The following NXPH1 variants were observed in gnomAD, a reference collection of about 807,000 sequenced individuals.
NXPH1 encodes the protein neurexophilin-1.
Under a neutral mutation model 23.7 loss-of-function variants are expected in NXPH1, and 5 were observed. The ratio of observed to expected loss-of-function variants is 0.21; its 90% CI spans 0.11 to 0.44. The LOEUF is 0.44. NXPH1 is among the 20% of genes least tolerant of loss of function. NXPH1 has a pLI of 0.99. For missense variants in NXPH1, 324 were observed against 321.6 expected (o/e 1.01, Z -0.06); for synonymous variants, 144 against 122.2 (o/e 1.18, Z -1.18).
intron 2 of NXPH1, among the ~76,000 whole-genome samples, chr7:8,574,345 C>T (rs1344148739): frequency 1.3e-5 from 2 of 152,082 alleles, no homozygotes; most frequent in South Asian, 4.1e-4. Context: ...AGCTCCTGGG[C>T]TCCAGCGATC....
chr7:8,458,349 T>G (rs10952111), intron 2 of NXPH1, among the ~76,000 whole-genome samples: 58,009 of 152,054 alleles, frequency 0.38, 11,495 homozygotes, highest in East Asian at 0.63. Context: ...GTGGTTGATA[T>G]ATACTGGACC....
At chr7:8,535,888 C>T (rs1373986286) in intron 2 of NXPH1, among the ~76,000 whole-genome samples, 1 of 151,928 alleles carries the variant, frequency 6.6e-6, no homozygotes, top group Admixed American at 6.6e-5. Context: ...TTTTGTTCAC[C>T]TGCTGTTTCC....
At chr7:8,645,383 G>A (rs1820381100) in intron 2 of NXPH1, among the ~76,000 whole-genome samples, 1 of 151,930 alleles carries the variant, frequency 6.6e-6, no homozygotes. Context: ...ATTTCATTGG[G>A]CTTTTCATTT....
chr7:8,743,005 G>T (rs780374271), intron 2 of NXPH1, among the ~76,000 whole-genome samples: 1 of 152,014 alleles, frequency 6.6e-6, no homozygotes, highest in Non-Finnish European at 1.5e-5. Flanking sequence ...AATGCCATAT[G>T]TAAAGTGCTA....
At chr7:8,555,195 C>A (rs1159635885) in intron 2 of NXPH1, among the ~76,000 whole-genome samples, 1 of 151,698 alleles carries the variant, frequency 6.6e-6, no homozygotes, top group Non-Finnish European at 1.5e-5. Flanking sequence ...AAAACTAACA[C>A]GCAACTGATA....
In NXPH1 at chr7:8,479,225, CA is replaced by C. The variant is rs1817031764; in HGVS notation, c.54+43461del. ...GGAATAATTTATTAAAGTGGGGATACAAATGAGGTAAGCATGTTAAAATGTT... is the reference window on the plus strand; with the variant it reads ...GGAATAATTTATTAAAGTGGGGATACAATGAGGTAAGCATGTTAAAATGTT... On this transcript the variant is annotated intron_variant, in intron 2 of 2. Transcript: ENST00000405863. 2.0e-5 allele frequency among the ~76,000 whole-genome samples: 3 copies of C among 152,130 alleles called. No individual in the cohort carries two copies. The South Asian group carries it at 6.2e-4, about 32-fold the overall frequency.
intron 2 of NXPH1, among the ~76,000 whole-genome samples, chr7:8,472,993 C>A (rs967511383): frequency 6.6e-6 from 1 of 152,144 alleles, no homozygotes; most frequent in African/African-American, 2.4e-5. Flanking sequence ...TGTGGGCCTT[C>A]CATAAGAGGC....
chr7:8,529,260 C>G (rs534114587), intron 2 of NXPH1, among the ~76,000 whole-genome samples: 14 of 152,302 alleles, frequency 9.2e-5, no homozygotes, highest in Admixed American at 5.2e-4. Flanking sequence ...CACTAATAAC[C>G]TTAATTATAT....
chr7:8,488,913 G>A (rs1191141775), intron 2 of NXPH1, among the ~76,000 whole-genome samples: 1 of 152,142 alleles, frequency 6.6e-6, no homozygotes, highest in Non-Finnish European at 1.5e-5. Context: ...TCATCTTTTA[G>A]CAGCCTACTG....
At chr7:8,710,453 A>G (rs530843282) in intron 2 of NXPH1, among the ~76,000 whole-genome samples, 2 of 152,228 alleles carry the variant, frequency 1.3e-5, no homozygotes, top group African/African-American at 4.8e-5. Flanking sequence ...TCTGCAACTC[A>G]TATTTTACAT....
At chr7:8,659,990 G>A (rs1401247613) in intron 2 of NXPH1, among the ~76,000 whole-genome samples, 1 of 152,176 alleles carries the variant, frequency 6.6e-6, no homozygotes, top group Non-Finnish European at 1.5e-5. Flanking sequence ...TTGGCGTCAA[G>A]TGTTTGGGGA....
In NXPH1 at chr7:8,610,158, A is replaced by T. The variant is rs575127683; in HGVS notation, c.55-140850A>T. Among the ~76,000 whole-genome samples the T allele has an allele frequency of 3.9e-5, 6 of 152,278 alleles. No homozygotes were observed. In the East Asian group the frequency reaches 1.2e-3, roughly 29 times the overall value. Reference sequence around the variant, plus strand: ...GGTTGCAATTTCACATTTGACTAACAGCATTAGAGATATGATTCCAATTAA... The same window carrying T: ...GGTTGCAATTTCACATTTGACTAACTGCATTAGAGATATGATTCCAATTAA... On this transcript the variant is annotated intron_variant, in intron 2 of 2. Coordinates refer to ENST00000405863, the MANE Select transcript of NXPH1 (RefSeq NM_152745.3).
rs566026676 is a variant in NXPH1 at position 8,464,754 on chromosome 7, T to C, written c.54+28987T>C. On this transcript the variant is annotated intron_variant, in intron 2 of 2. Coordinates refer to ENST00000405863, the MANE Select transcript of NXPH1 (RefSeq NM_152745.3). Reference sequence around the variant, plus strand: ...CAGAGCAAATGTGTAATGCGTGTAGTGTTTTTTTTTGTACTTGAATACTAT... The same window carrying C: ...CAGAGCAAATGTGTAATGCGTGTAGCGTTTTTTTTTGTACTTGAATACTAT... 3.2e-5 allele frequency among the ~76,000 whole-genome samples: 4 copies of C among 126,870 alleles called. No individual in the cohort carries two copies. The South Asian group carries it at 8.4e-4, about 27-fold the overall frequency. 83.2% of individuals were successfully genotyped at this position (126,870 alleles called of 152,430 possible). A position where few individuals can be genotyped will look rare whatever the true frequency, so the allele number is the denominator to read the frequency against.
Position 8,647,972 on chromosome 7 carries a change from G to A in NXPH1, c.55-103036G>A, listed in dbSNP as rs113178079. Among the ~76,000 whole-genome samples the A allele has an allele frequency of 2.8e-3, 425 of 151,858 alleles. 1 individual carries two copies. The highest frequency in any genetic ancestry group is 4.8e-3 in the Non-Finnish European group (329 of 67,928). On this transcript the variant is annotated intron_variant, in intron 2 of 2. Transcript: ENST00000405863. ...TAATTTTTAGTCAAAATATTACATG[G>A]CCTATATGAAACTATCCAAACTCAC...
chr7:8,580,054 A>C (rs1818835650), intron 2 of NXPH1, among the ~76,000 whole-genome samples: 1 of 152,222 alleles, frequency 6.6e-6, no homozygotes, highest in Non-Finnish European at 1.5e-5. Context: ...AAGAACTAAA[A>C]AGCATAAAAT....
chr7:8,666,473 G>C (rs1208369969), intron 2 of NXPH1, among the ~76,000 whole-genome samples: 1 of 151,986 alleles, frequency 6.6e-6, no homozygotes, highest in African/African-American at 2.4e-5. Flanking sequence ...ATGTTCCCCA[G>C]GGATATTGAC....
At chr7:8,655,016 A>C (rs1016939003) in intron 2 of NXPH1, among the ~76,000 whole-genome samples, 1 of 152,104 alleles carries the variant, frequency 6.6e-6, no homozygotes, top group African/African-American at 2.4e-5. Flanking sequence ...AGGAAACTCA[A>C]CTTTCCATGA....
intron 2 of NXPH1, among the ~76,000 whole-genome samples, chr7:8,583,915 G>C (rs1305943328): frequency 6.6e-6 from 1 of 152,192 alleles, no homozygotes; most frequent in Non-Finnish European, 1.5e-5. Flanking sequence ...TGGTGGTCAA[G>C]CTTCCAGTAG....
intron 2 of NXPH1, among the ~76,000 whole-genome samples, chr7:8,640,412 AATATT>A (rs1820287780): frequency 6.6e-6 from 1 of 151,266 alleles, no homozygotes; most frequent in Non-Finnish European, 1.5e-5. Flanking sequence ...CACTGATTTG[AATATT>A]ATATTTATTA....
Sources: gnomAD v4.1 joint callset for allele counts (sites outside exome capture counted in the v4.1 genomes callset) on GRCh38, gnomAD v4.1.1 for gene constraint, MANE v1.5 for transcripts, NCBI Gene and HGNC (gene_info 2026-07-23, HGNC 2026-07-21) for gene names.